Variants in PTPRO observed in about 807,000 individuals in gnomAD.
The protein encoded by PTPRO is protein tyrosine phosphatase receptor type O.
In PTPRO, 62 loss-of-function variants were observed where a neutral mutation model predicts 145.2. The ratio of observed to expected loss-of-function variants is 0.43; its 90% CI spans 0.35 to 0.53. The LOEUF is 0.53. PTPRO is among the 20% of genes least tolerant of loss of function. The pLI is 0.01. For missense variants in PTPRO, 1,345 were observed against 1,482.7 expected (o/e 0.91, Z 1.53); for synonymous variants, 565 against 514.7 (o/e 1.10, Z -1.32).
chr12:15,556,418 A>G (rs1943626786), intron 15 of PTPRO, among the ~76,000 whole-genome samples: 2 of 152,114 alleles, frequency 1.3e-5, no homozygotes, highest in Non-Finnish European at 2.9e-5. Flanking sequence ...AAAATGAGAT[A>G]CATGAGCCCC....
chr12:15,577,604 C>T (rs1944214487), intron 19 of PTPRO, among the ~76,000 whole-genome samples: 1 of 152,166 alleles, frequency 6.6e-6, no homozygotes, highest in African/African-American at 2.4e-5. Context: ...AAGAGTAAAA[C>T]TTGTGCTCAA....
intron 1 of PTPRO, among the ~76,000 whole-genome samples, chr12:15,369,280 A>G (rs1447569977): frequency 6.6e-6 from 1 of 152,330 alleles, no homozygotes; most frequent in East Asian, 1.9e-4. Flanking sequence ...GCAATTCTAA[A>G]CTTAAAAGGT....
chr12:15,368,940 G>A lies in PTPRO; in HGVS notation c.75+46139G>A, dbSNP rs1938444004. 2.6e-5 allele frequency among the ~76,000 whole-genome samples: 4 copies of A among 152,314 alleles called. No homozygotes were observed. The South Asian group carries it at 8.3e-4, about 32-fold the overall frequency. Reference sequence around the variant, plus strand: ...TAGAGATAACAACTTCTCATTCTATGAGCAACTCCCGTGGGGGCTGTGAAA... The same window carrying A: ...TAGAGATAACAACTTCTCATTCTATAAGCAACTCCCGTGGGGGCTGTGAAA... On this transcript the variant is annotated intron_variant, in intron 1 of 26. Transcript: ENST00000281171.
intron 1 of PTPRO, among the ~76,000 whole-genome samples, chr12:15,334,155 T>C (rs994692803): frequency 6.6e-6 from 1 of 152,212 alleles, no homozygotes; most frequent in African/African-American, 2.4e-5. Context: ...TGATAAATTA[T>C]TGTTTTTCTT....
chr12:15,358,516 A>G (rs566320953), intron 1 of PTPRO, among the ~76,000 whole-genome samples: 5 of 152,264 alleles, frequency 3.3e-5, no homozygotes, highest in African/African-American at 9.6e-5. Context: ...CAGACCTTCA[A>G]CCACGACCTG....
At chr12:15,393,473 G>A (rs905767830) in intron 1 of PTPRO, among the ~76,000 whole-genome samples, 1 of 152,130 alleles carries the variant, frequency 6.6e-6, no homozygotes, top group African/African-American at 2.4e-5. Flanking sequence ...TAGTAGATTC[G>A]ATAATATCCA....
intron 2 of PTPRO, among the ~76,000 whole-genome samples, chr12:15,487,413 A>G (rs1413908386): frequency 6.6e-6 from 1 of 152,082 alleles, no homozygotes; most frequent in East Asian, 1.9e-4. Context: ...TTCATCCTTC[A>G]AAAGAAGGGA....
chr12:15,412,300 A>G (rs150425806), intron 1 of PTPRO, among the ~76,000 whole-genome samples: 98 of 152,334 alleles, frequency 6.4e-4, no homozygotes, highest in African/African-American at 2.0e-3. Flanking sequence ...CAGCTGCAAT[A>G]TTTTATGTGT....
At chr12:15,419,005 A>G (rs1345591828) in intron 1 of PTPRO, among the ~76,000 whole-genome samples, 5 of 151,728 alleles carry the variant, frequency 3.3e-5, no homozygotes, top group Non-Finnish European at 4.4e-5. Flanking sequence ...ATTTTCTACA[A>G]TGTAAAATTT....
chr12:15,524,420 A>G, intron 10 of PTPRO, among the ~76,000 whole-genome samples: 1 of 152,168 alleles, frequency 6.6e-6, no homozygotes, highest in Non-Finnish European at 1.5e-5. Context: ...CTTAGTTTGC[A>G]GGACTCTAAG....
chr12:15,551,774 G>C, intron 15 of PTPRO, 103 bp downstream of exon 15: 1 of 1,309,200 alleles, frequency 7.6e-7, no homozygotes, highest in Non-Finnish European at 1.1e-6. Flanking sequence ...CGGTATATTG[G>C]ATTTTAGTTT....
intron 1 of PTPRO, among the ~76,000 whole-genome samples, chr12:15,444,257 C>G (rs943138833): frequency 1.3e-5 from 2 of 152,072 alleles, no homozygotes; most frequent in Non-Finnish European, 2.9e-5. Flanking sequence ...CCTGACCATT[C>G]TCACTTATAA....
intron 7 of PTPRO, among the ~76,000 whole-genome samples, chr12:15,513,205 GAA>G (rs371151909): frequency 0.016 from 1,611 of 101,410 alleles, 144 homozygotes; most frequent in African/African-American, 0.047. Flanking sequence ...AAGAAAGAAA[GAA>G]AGAAAGAAAG....
At chr12:15,415,640 C>A (rs1225594448) in intron 1 of PTPRO, among the ~76,000 whole-genome samples, 1 of 151,766 alleles carries the variant, frequency 6.6e-6, no homozygotes, top group Admixed American at 6.6e-5. Context: ...CCACCCTGGC[C>A]TCCCAAAGTG....
At chr12:15,437,552 A>T (rs1940632480) in intron 1 of PTPRO, among the ~76,000 whole-genome samples, 1 of 151,868 alleles carries the variant, frequency 6.6e-6, no homozygotes. Context: ...GTATAGTAAG[A>T]CCCTTTCTGC....
rs1179451100 is a variant in PTPRO, at chr12:15,333,032, A to AT, written c.75+10238dup. On this transcript the variant is annotated intron_variant, in intron 1 of 26. Transcript: ENST00000281171. ...CAGCCTGAGTTTTCTGCCTATTGCC[A>AT]TTTTTTTCTTTTTTATAGCCCCAAT... Among the ~76,000 whole-genome samples, 22 of 152,132 alleles carry AT rather than the reference A, an allele frequency of 1.4e-4. No homozygotes were observed. The South Asian group carries it at 4.1e-3, about 29-fold the overall frequency.
chr12:15,587,367 A>C (rs974059665), intron 24 of PTPRO, among the ~76,000 whole-genome samples: 2 of 152,212 alleles, frequency 1.3e-5, no homozygotes, highest in East Asian at 1.9e-4. Context: ...AGGCATGCCA[A>C]TCTGCAAAGA....
intron 13 of PTPRO, among the ~76,000 whole-genome samples, chr12:15,546,955 AAGGTAGT>A (rs1943308396): frequency 6.6e-6 from 1 of 152,222 alleles, no homozygotes; most frequent in African/African-American, 2.4e-5. Context: ...CAAAGGAATA[AAGGTAGT>A]AGGCCATTGA....
At chr12:15,524,519 T>G (rs1390075402) in intron 10 of PTPRO, among the ~76,000 whole-genome samples, 1 of 152,158 alleles carries the variant, frequency 6.6e-6, no homozygotes, top group African/African-American at 2.4e-5. Context: ...ACAAGTGAAC[T>G]TTTTAGGAAT....
Sources: allele counts gnomAD v4.1 joint callset (sites outside exome capture counted in the v4.1 genomes callset), GRCh38; gene constraint gnomAD v4.1.1; transcripts MANE v1.5; gene names NCBI Gene and HGNC (gene_info 2026-07-23, HGNC 2026-07-21).